Variants in CALN1 observed in about 807,000 individuals in gnomAD.
CALN1 encodes the protein calneuron 1.
In CALN1, 17 loss-of-function variants were observed where a neutral mutation model predicts 30.6. The ratio of observed to expected loss-of-function variants is 0.56; its 90% CI spans 0.38 to 0.83. The LOEUF (loss-of-function observed/expected upper bound fraction) is 0.83, where lower values mean the gene tolerates loss of function less well. Among genes scored for constraint, CALN1 ranks in the 40% least tolerant of loss-of-function variants. The pLI, the probability that CALN1 is intolerant of heterozygous loss-of-function variation, is 0.00. For synonymous variants in CALN1, 156 were observed against 131.4 expected, an observed-to-expected ratio of 1.19 and a Z score of -1.28; for missense variants, 291 against 354.9, an observed-to-expected ratio of 0.82 and a Z score of 1.45.
intron 6 of CALN1, among the ~76,000 whole-genome samples, chr7:71,794,097 G>A (rs1193732188): frequency 6.6e-6 from 1 of 152,104 alleles, no homozygotes; most frequent in Non-Finnish European, 1.5e-5. Context: ...TACCATGTGT[G>A]ATGGGTGTGT....
chr7:72,126,148 A>G (rs753006128), intron 3 of CALN1, among the ~76,000 whole-genome samples: 11 of 152,136 alleles, frequency 7.2e-5, no homozygotes, highest in Non-Finnish European at 1.0e-4. Context: ...GCTCCCACTT[A>G]TAAGTGAGAA....
intron 5 of CALN1, among the ~76,000 whole-genome samples, chr7:71,999,117 T>C (rs539484010): frequency 4.4e-4 from 67 of 152,246 alleles, no homozygotes; most frequent in South Asian, 4.4e-3. Flanking sequence ...TTCAACAACA[T>C]AGGCAGAATG....
intron 5 of CALN1, among the ~76,000 whole-genome samples, chr7:71,921,233 A>G (rs1260029980): frequency 1.3e-5 from 2 of 152,202 alleles, no homozygotes; most frequent in Non-Finnish European, 2.9e-5. Flanking sequence ...TAGGGAAGGG[A>G]GAGCATTAGG....
chr7:71,800,808 T>TA lies in CALN1; in HGVS notation c.658+9527dup, dbSNP rs375009313. ...TTTTCTTTTGTTTTGACTCAGCAAT[T>TA]AAAAAAAAAATTATTTTAAGTTCCA... On this transcript the variant is annotated intron_variant, in intron 6 of 6. Transcript: ENST00000395275. Among the ~76,000 whole-genome samples the TA allele has an allele frequency of 1.8e-3, 272 of 150,676 alleles. 1 individual carries two copies. Among genetic ancestry groups the TA allele is most frequent in the African/African-American group, 6.1e-3 (252 of 41,106 alleles).
At chr7:72,310,512 T>C (rs546444624) in intron 2 of CALN1, among the ~76,000 whole-genome samples, 2 of 151,940 alleles carry the variant, frequency 1.3e-5, no homozygotes, top group Admixed American at 6.6e-5. Flanking sequence ...ATCACCCTAG[T>C]GCCATTTAGA....
At chr7:72,045,767 AGGTG>A (rs1802425711) in intron 4 of CALN1, among the ~76,000 whole-genome samples, 1 of 152,122 alleles carries the variant, frequency 6.6e-6, no homozygotes, top group Non-Finnish European at 1.5e-5. Context: ...TGGGAGGCAG[AGGTG>A]GGTGGATCAC....
chr7:71,812,646 GGC>G (rs1463848217), intron 5 of CALN1, among the ~76,000 whole-genome samples: 2 of 152,136 alleles, frequency 1.3e-5, no homozygotes, highest in Non-Finnish European at 2.9e-5. Flanking sequence ...AGAAATTCCT[GGC>G]GTTGCAGCAT....
intron 5 of CALN1, among the ~76,000 whole-genome samples, chr7:71,984,287 G>A (rs976676772): frequency 3.9e-5 from 6 of 152,170 alleles, no homozygotes; most frequent in South Asian, 2.1e-4. Flanking sequence ...CAAGAAAGTA[G>A]TAGGAAGCCA....
chr7:72,012,856 C>T (rs933364268), intron 5 of CALN1, among the ~76,000 whole-genome samples: 4 of 152,128 alleles, frequency 2.6e-5, no homozygotes, highest in South Asian at 2.1e-4. Context: ...AGTGCAAGGG[C>T]GTGATCTTGG....
intron 4 of CALN1, among the ~76,000 whole-genome samples, chr7:72,065,719 C>T (rs910390322): frequency 6.6e-6 from 1 of 151,972 alleles, no homozygotes; most frequent in Non-Finnish European, 1.5e-5. Context: ...TGGTGAAACC[C>T]CATCTCCACT....
At chr7:71,885,150 ATTTCTTT>A (rs1792823425) in intron 5 of CALN1, among the ~76,000 whole-genome samples, 1 of 151,970 alleles carries the variant, frequency 6.6e-6, no homozygotes, top group Non-Finnish European at 1.5e-5. Context: ...AACCAATGTT[ATTTCTTT>A]TTTCTTTTTT....
intron 2 of CALN1, among the ~76,000 whole-genome samples, chr7:72,318,821 G>A (rs950810905): frequency 1.5e-5 from 1 of 64,880 alleles, no homozygotes; most frequent in Non-Finnish European, 3.0e-5. Context: ...GGAGTAGCTG[G>A]GATTTCAGGC....
At chr7:71,862,345 G>C (rs1042232142) in intron 5 of CALN1, among the ~76,000 whole-genome samples, 2 of 152,184 alleles carry the variant, frequency 1.3e-5, no homozygotes, top group African/African-American at 4.8e-5. Context: ...CGTGTCATAG[G>C]AGGGACCCAG....
In CALN1 at chr7:72,403,425, A is replaced by T; in HGVS notation, c.-56T>A. The T allele has an allele frequency of 7.1e-7, 1 of 1,400,876 alleles. No individual in the cohort carries two copies. The highest frequency in any genetic ancestry group is 9.7e-7 in the Non-Finnish European group (1 of 1,029,628). The allele number at this position is 1,400,876 out of a possible 1,614,324, so 86.8% of individuals were successfully genotyped here. A position where few individuals can be genotyped will look rare whatever the true frequency, so the allele number is the denominator to read the frequency against. ...GTTAGAAGCTCATCAAAGGAACGTC[A>T]GCGAAGGCACTGAGACTCTGAAAGG... On this transcript the variant is annotated 5_prime_UTR_variant, in exon 2 of 7. Coordinates refer to ENST00000395275, the MANE Select transcript of CALN1 (RefSeq NM_031468.4).
At chr7:72,337,018 G>A (rs1802107799) in intron 2 of CALN1, 1 of 985,552 alleles carries the variant, frequency 1.0e-6, no homozygotes, top group Non-Finnish European at 1.2e-6. Flanking sequence ...CTGGGGACGT[G>A]TGCCCCGCAC....
intron 5 of CALN1, among the ~76,000 whole-genome samples, chr7:71,949,862 C>T (rs930227749): frequency 7.3e-5 from 11 of 150,288 alleles, no homozygotes; most frequent in South Asian, 2.1e-4. Context: ...CCCGGGTTCA[C>T]GCCATTCTCC....
At chr7:72,342,303 T>G (rs910182190) in intron 2 of CALN1, among the ~76,000 whole-genome samples, 3 of 151,368 alleles carry the variant, frequency 2.0e-5, no homozygotes, top group Non-Finnish European at 1.5e-5. Context: ...CTAGAGAAGC[T>G]GGATGGCAGA....
At chr7:71,910,986 C>G (rs1485795742) in intron 5 of CALN1, among the ~76,000 whole-genome samples, 1 of 152,128 alleles carries the variant, frequency 6.6e-6, no homozygotes, top group Non-Finnish European at 1.5e-5. Context: ...CAGGTATGAA[C>G]TTGTAGGGGG....
intron 2 of CALN1, among the ~76,000 whole-genome samples, chr7:72,300,195 T>A (rs557084536): frequency 6.6e-6 from 1 of 152,274 alleles, no homozygotes; most frequent in East Asian, 1.9e-4. Flanking sequence ...TCAAGTTGTT[T>A]TTAACATACT....
Sources: allele counts gnomAD v4.1 joint callset (sites outside exome capture counted in the v4.1 genomes callset), GRCh38; gene constraint gnomAD v4.1.1; transcripts MANE v1.5; gene names NCBI Gene and HGNC (gene_info 2026-07-23, HGNC 2026-07-21).